The following RUNX1 variants were observed in gnomAD, a reference collection of about 807,000 sequenced individuals.
RUNX1 encodes the protein RUNX family transcription factor 1.
RUNX1 carries 19 observed loss-of-function variants against 42.8 expected under a neutral mutation model. The observed-to-expected ratio is 0.44, with a 90% confidence interval of 0.31 to 0.65. The LOEUF (loss-of-function observed/expected upper bound fraction) is 0.65, where lower values mean the gene tolerates loss of function less well. Ranked by LOEUF, RUNX1 falls within the 30% of genes least tolerant of loss-of-function variation. The pLI is 0.07. For missense variants in RUNX1, 528 were observed against 672.0 expected (o/e 0.79, Z 2.37); for synonymous variants, 271 against 289.4 (o/e 0.94, Z 0.64).
chr21:34,842,296 C>T (rs2057248544), intron 6 of RUNX1, among the ~76,000 whole-genome samples: 1 of 151,916 alleles, frequency 6.6e-6, no homozygotes, highest in Non-Finnish European at 1.5e-5. Context: ...AGTTCAAGAC[C>T]AGCCTGGCCA....
intron 8 of RUNX1, chr21:34,798,205 G>A (rs940442213): frequency 2.7e-5 from 12 of 448,794 alleles, no homozygotes; most frequent in African/African-American, 1.6e-4. Flanking sequence ...AGCAAGACCC[G>A]CCCCGTTCCC....
At chr21:34,857,935 A>T (rs1282194904) in intron 6 of RUNX1, among the ~76,000 whole-genome samples, 2 of 152,206 alleles carry the variant, frequency 1.3e-5, no homozygotes, top group Non-Finnish European at 2.9e-5. Flanking sequence ...ATCAAGTCCC[A>T]CAGTCTCCCA....
Position 34,791,808 on chromosome 21 carries a change from TCA to T in RUNX1, c.*325_*326del, listed in dbSNP as rs913296753. ...CACAGCATTGCTAAATCAGAAGCATTCACAGTTTCCCTCCGGGAATCTTCCTG... is the reference window on the plus strand; with the variant it reads ...CACAGCATTGCTAAATCAGAAGCATTCAGTTTCCCTCCGGGAATCTTCCTG... On this transcript the variant is annotated 3_prime_UTR_variant, in exon 9 of 9. Transcript: ENST00000675419. 6 of 230,930 alleles carry T rather than the reference TCA, an allele frequency of 2.6e-5. No individual in the cohort carries two copies. The highest frequency in any genetic ancestry group is 1.1e-4 in the African/African-American group (5 of 44,804). The allele number at this position is 230,930 out of a possible 1,614,324, so 14.3% of individuals were successfully genotyped here. A position where few individuals can be genotyped will look rare whatever the true frequency, so the allele number is the denominator to read the frequency against.
At chr21:34,902,389 C>A (rs554232819) in intron 2 of RUNX1, among the ~76,000 whole-genome samples, 1 of 152,200 alleles carries the variant, frequency 6.6e-6, no homozygotes, top group South Asian at 2.1e-4. Flanking sequence ...GGGTACAGGA[C>A]AGGCAAAGGA....
chr21:34,986,800 G>T (rs1226929578), intron 2 of RUNX1, among the ~76,000 whole-genome samples: 1 of 152,030 alleles, frequency 6.6e-6, no homozygotes, highest in East Asian at 1.9e-4. Flanking sequence ...CTTGATCTTG[G>T]AATTCTAGCC....
At chr21:34,859,672 T>C in intron 5 of RUNX1, 94 bp from the exon 6 acceptor site, 1 of 1,075,256 alleles carries the variant, frequency 9.3e-7, no homozygotes, top group Non-Finnish European at 1.5e-6. Context: ...TGTCCAGCCC[T>C]TCAGCACAAG....
chr21:34,850,263 T>C (rs2409535), intron 6 of RUNX1, among the ~76,000 whole-genome samples: 51,755 of 151,996 alleles, frequency 0.34, 9,041 homozygotes, highest in East Asian at 0.51. Flanking sequence ...CCTGACCATC[T>C]CAGACTGGGG....
At chr21:35,038,613 C>CTCTCTCTCTCTCTCTCTGTGTG (rs1555835794) in intron 2 of RUNX1, 1 of 264,408 alleles carries the variant, frequency 3.8e-6, no homozygotes, top group Non-Finnish European at 6.6e-6. Context: ...CTCTCTCTCT[C>CTCTCTCTCTCTCTCTCTGTGTG]TGTGTGTGTG....
At chr21:34,873,734 A>G (rs144330447) in intron 5 of RUNX1, among the ~76,000 whole-genome samples, 5 of 152,314 alleles carry the variant, frequency 3.3e-5, no homozygotes, top group African/African-American at 1.2e-4. Context: ...GGACTGGGCA[A>G]TGTACTGGAA....
Position 34,850,311 on chromosome 21 carries a change from C to T in RUNX1, c.613+9163G>A, listed in dbSNP as rs190365046. On this transcript the variant is annotated intron_variant, in intron 6 of 8. Transcript: ENST00000675419. ...ACCCCCAAAGGACACAGGCAGCAGG[C>T]GGAGCTGCCTTGCACACATGGAAGG... Among the ~76,000 whole-genome samples the T allele has an allele frequency of 3.9e-4, 59 of 152,296 alleles. No homozygotes were observed. The East Asian group carries it at 9.3e-3, about 24-fold the overall frequency.
intron 6 of RUNX1, among the ~76,000 whole-genome samples, chr21:34,857,443 C>T (rs948744944): frequency 6.6e-6 from 1 of 152,168 alleles, no homozygotes; most frequent in Non-Finnish European, 1.5e-5. Flanking sequence ...TTGAATGTTA[C>T]AGGAAATGCT....
intron 2 of RUNX1, among the ~76,000 whole-genome samples, chr21:34,893,195 T>C (rs773506861): frequency 6.6e-6 from 1 of 152,202 alleles, no homozygotes; most frequent in Non-Finnish European, 1.5e-5. Flanking sequence ...CACTAGCTAA[T>C]ACTGAATATC....
intron 2 of RUNX1, among the ~76,000 whole-genome samples, chr21:35,036,125 G>A (rs2059305973): frequency 6.6e-6 from 1 of 152,146 alleles, no homozygotes; most frequent in Non-Finnish European, 1.5e-5. Flanking sequence ...CGTGTGTGCA[G>A]AAAGTGCTAA....
intron 2 of RUNX1, among the ~76,000 whole-genome samples, chr21:34,956,380 G>A (rs2058643953): frequency 6.6e-6 from 1 of 152,162 alleles, no homozygotes; most frequent in South Asian, 2.1e-4. Flanking sequence ...AGAGAATTGT[G>A]AACATACAGA....
At chr21:34,842,159 A>G (rs1251976054) in intron 6 of RUNX1, among the ~76,000 whole-genome samples, 1 of 152,194 alleles carries the variant, frequency 6.6e-6, no homozygotes, top group Non-Finnish European at 1.5e-5. Context: ...TCTTGTTGAG[A>G]AAAAATACAA....
At chr21:35,035,007 T>C (rs1300669584) in intron 2 of RUNX1, among the ~76,000 whole-genome samples, 1 of 152,204 alleles carries the variant, frequency 6.6e-6, no homozygotes, top group Non-Finnish European at 1.5e-5. Context: ...CAAGGATGCA[T>C]TAGTGACCAC....
rs536376739 is a variant in RUNX1 at position 34,901,518 on chromosome 21, AAATAAT to A, written c.59-8561_59-8556del. On this transcript the variant is annotated intron_variant, in intron 2 of 8. Transcript: ENST00000675419. The surrounding 1 kb of genome is among the most constrained non-coding windows in gnomAD (Gnocchi z 4.3). The stretch of plus-strand genomic sequence containing the variant: ...ACAGAGCCAGATCCGTCTCAAAAAT[AAATAAT>A]AATAATAATAATAACAATACCAGTT... Among the ~76,000 whole-genome samples, 1 of 151,758 alleles carries A rather than the reference AAATAAT, an allele frequency of 6.6e-6. No homozygotes were observed. The highest frequency in any genetic ancestry group is 2.4e-5 in the African/African-American group (1 of 41,284).
At chr21:34,825,910 C>T (rs1272105045) in intron 7 of RUNX1, among the ~76,000 whole-genome samples, 2 of 152,198 alleles carry the variant, frequency 1.3e-5, no homozygotes, top group African/African-American at 4.8e-5. Context: ...GATACAGTCA[C>T]AAGCCAAGGA....
At position 34,790,759 on chromosome 21, in the gene RUNX1, G is replaced by C. The variant is rs942622609; in HGVS notation, c.*1376C>G. ...ACTTGTCTCCACTGAGGCACACAGA[G>C]GCAAATTGACTCCTCGAGGCCTGCT... On this transcript the variant is annotated 3_prime_UTR_variant, in exon 9 of 9. Transcript: ENST00000675419. 2.6e-5 allele frequency: 6 copies of C among 233,182 alleles called. No individual in the cohort carries two copies. The highest frequency in any genetic ancestry group is 1.7e-4 in the Admixed American group (3 of 17,780). 14.4% of individuals were successfully genotyped at this position (233,182 alleles called of 1,614,324 possible). A position where few individuals can be genotyped will look rare whatever the true frequency, so the allele number is the denominator to read the frequency against.
Sources: allele counts gnomAD v4.1 joint callset (sites outside exome capture counted in the v4.1 genomes callset), GRCh38; gene constraint gnomAD v4.1.1; non-coding constraint Gnocchi (gnomAD v3.1); transcripts MANE v1.5; gene names NCBI Gene and HGNC (gene_info 2026-07-23, HGNC 2026-07-21).